DLGAP2: variants seen among roughly 807,000 people sequenced by gnomAD.
DLGAP2 encodes the protein DLG associated protein 2.
A neutral mutation model predicts 100.3 loss-of-function variants in DLGAP2; 26 were observed. That is an observed-to-expected ratio of 0.26 (90% CI 0.19 to 0.36). The LOEUF is 0.36. Among genes scored for constraint, DLGAP2 ranks in the 10% least tolerant of loss-of-function variants. DLGAP2 has a pLI of 1.00. For synonymous variants in DLGAP2, 886 were observed against 630.1 expected, an observed-to-expected ratio of 1.41 and a Z score of -6.08; for missense variants, 1,858 against 1,453.2, an observed-to-expected ratio of 1.28 and a Z score of -4.53.
intron 2 of DLGAP2, among the ~76,000 whole-genome samples, chr8:1,007,924 C>T (rs981338274): frequency 5.9e-5 from 9 of 152,130 alleles, no homozygotes; most frequent in African/African-American, 2.2e-4. Flanking sequence ...TCAACCCACT[C>T]CATGGCGCCC....
At chr8:1,536,512 C>T (rs1801158494) in intron 4 of DLGAP2, among the ~76,000 whole-genome samples, 1 of 152,134 alleles carries the variant, frequency 6.6e-6, no homozygotes, top group Non-Finnish European at 1.5e-5. Flanking sequence ...ATTCGGTAAA[C>T]CAGAGCACCA....
chr8:1,254,178 C>A (rs956220111), intron 2 of DLGAP2, among the ~76,000 whole-genome samples: 1 of 152,214 alleles, frequency 6.6e-6, no homozygotes, highest in African/African-American at 2.4e-5. Flanking sequence ...TTGCAGGTCT[C>A]AGTCTGCCTC....
chr8:1,333,323 G>A (rs1249290925), intron 3 of DLGAP2, among the ~76,000 whole-genome samples: 1 of 152,182 alleles, frequency 6.6e-6, no homozygotes, highest in Non-Finnish European at 1.5e-5. Flanking sequence ...GGGCTGGGGT[G>A]TGGGCGTCTC....
At chr8:1,305,003 C>T (rs1002757263) in intron 3 of DLGAP2, among the ~76,000 whole-genome samples, 3 of 152,172 alleles carry the variant, frequency 2.0e-5, no homozygotes, top group African/African-American at 7.2e-5. Flanking sequence ...AATAACTGTG[C>T]AGGAGGTATC....
At chr8:1,184,359 G>C (rs925252132) in intron 2 of DLGAP2, among the ~76,000 whole-genome samples, 1 of 152,220 alleles carries the variant, frequency 6.6e-6, no homozygotes, top group Non-Finnish European at 1.5e-5. Context: ...GAGTGTGGGC[G>C]CTTCTGGGGA....
chr8:978,170 A>G (rs1213401251), intron 2 of DLGAP2, among the ~76,000 whole-genome samples: 9 of 118,060 alleles, frequency 7.6e-5, no homozygotes, highest in East Asian at 8.4e-4. Flanking sequence ...ATGCAGTGAG[A>G]GGGTGGGTTC....
At chr8:1,539,818 T>C (rs1801296348) in intron 4 of DLGAP2, among the ~76,000 whole-genome samples, 1 of 152,216 alleles carries the variant, frequency 6.6e-6, no homozygotes, top group Non-Finnish European at 1.5e-5. Flanking sequence ...GGGACACAGC[T>C]GTGCCATGAG....
intron 2 of DLGAP2, among the ~76,000 whole-genome samples, chr8:951,819 G>A (rs150753633): frequency 2.9e-3 from 435 of 152,236 alleles, no homozygotes; most frequent in African/African-American, 9.4e-3. Context: ...GGCTAAAGGC[G>A]GTCTCAAATC....
intron 2 of DLGAP2, among the ~76,000 whole-genome samples, chr8:967,873 T>A (rs1467525468): frequency 2.1e-4 from 17 of 80,156 alleles, no homozygotes; most frequent in South Asian, 5.0e-4. Flanking sequence ...TATATATATA[T>A]AAATACTTTA....
intron 4 of DLGAP2, among the ~76,000 whole-genome samples, chr8:1,508,813 C>A (rs1167668756): frequency 6.6e-6 from 1 of 151,620 alleles, no homozygotes; most frequent in African/African-American, 2.4e-5. Context: ...CCGGGGAAGA[C>A]GGGGAAGACG....
chr8:1,055,667 G>A (rs145982580), intron 2 of DLGAP2, among the ~76,000 whole-genome samples: 77 of 152,242 alleles, frequency 5.1e-4, no homozygotes, highest in African/African-American at 1.5e-3. Context: ...GTTGGTCACC[G>A]TCTTCCAGCT....
In DLGAP2 at chr8:1,531,235, C is replaced by CGTGTGTGTGT. The variant is rs529630124; in HGVS notation, c.173-17386_173-17385insTGTGTGTGTG. The stretch of plus-strand genomic sequence containing the variant: ...TAAATAGTAAGATATTATTAGAGAG[C>CGTGTGTGTGT]GTGTGCGTGTGTGTGTGTGTGTGTG... On this transcript the variant is annotated intron_variant, in intron 4 of 14. Coordinates refer to ENST00000637795, the MANE Select transcript of DLGAP2 (RefSeq NM_001346810.2). Among the ~76,000 whole-genome samples, 910 of 140,212 alleles carry CGTGTGTGTGT rather than the reference C, an allele frequency of 6.5e-3. 15 individuals carry two copies. Among genetic ancestry groups the CGTGTGTGTGT allele is most frequent in the African/African-American group, 0.024 (845 of 35,736 alleles). The allele number at this position is 140,212 out of a possible 152,430, so 92.0% of individuals were successfully genotyped here.
In DLGAP2 at chr8:1,055,358, T is replaced by A. The variant is rs950203554; in HGVS notation, c.73+147392T>A. Among the ~76,000 whole-genome samples the A allele has an allele frequency of 5.9e-5, 9 of 152,328 alleles. No homozygotes were observed. In the East Asian group the frequency reaches 1.4e-3, roughly 23 times the overall value. On this transcript the variant is annotated intron_variant, in intron 2 of 14. Coordinates refer to ENST00000637795, the MANE Select transcript of DLGAP2 (RefSeq NM_001346810.2). Reference sequence around the variant, plus strand: ...TTTCCATTTCAAATCAGAGTCACAGTGATTTGGAGTCATCCGTCCCCTGTA... The same window carrying A: ...TTTCCATTTCAAATCAGAGTCACAGAGATTTGGAGTCATCCGTCCCCTGTA...
intron 1 of DLGAP2, among the ~76,000 whole-genome samples, chr8:861,565 A>C (rs1276454561): frequency 2.0e-5 from 3 of 152,246 alleles, no homozygotes; most frequent in Admixed American, 6.5e-5. Context: ...ATAAACAGTC[A>C]GGTAGTTTAT....
intron 3 of DLGAP2, among the ~76,000 whole-genome samples, chr8:1,372,174 TG>T (rs1170794830): frequency 2.4e-4 from 37 of 152,122 alleles, no homozygotes; most frequent in African/African-American, 8.7e-4. Context: ...CAGGTCACCG[TG>T]GCGCCAACGC....
intron 3 of DLGAP2, among the ~76,000 whole-genome samples, chr8:1,268,857 A>T (rs1799522459): frequency 6.6e-6 from 1 of 152,206 alleles, no homozygotes; most frequent in African/African-American, 2.4e-5. Context: ...TTTCAAAGAC[A>T]AAGAAGCTTT....
At chr8:888,130 A>T (rs770431710) in intron 1 of DLGAP2, among the ~76,000 whole-genome samples, 2 of 152,148 alleles carry the variant, frequency 1.3e-5, no homozygotes, top group Non-Finnish European at 2.9e-5. Flanking sequence ...TTATTTCAGT[A>T]ACGTGATCTT....
chr8:755,722 A>G (rs1056347005), intron 1 of DLGAP2, among the ~76,000 whole-genome samples: 1 of 152,074 alleles, frequency 6.6e-6, no homozygotes, highest in African/African-American at 2.4e-5. Context: ...GGGGGCCTGG[A>G]GAGGGGCCCC....
At chr8:763,043 G>A (rs1189353992) in intron 1 of DLGAP2, among the ~76,000 whole-genome samples, 1 of 151,636 alleles carries the variant, frequency 6.6e-6, no homozygotes, top group Admixed American at 6.6e-5. Context: ...AATACTTCAC[G>A]AGTTATTCAA....
Sources: gnomAD v4.1 joint callset for allele counts (sites outside exome capture counted in the v4.1 genomes callset) on GRCh38, gnomAD v4.1.1 for gene constraint, MANE v1.5 for transcripts, NCBI Gene and HGNC (gene_info 2026-07-23, HGNC 2026-07-21) for gene names.